Variants in CDH12 observed in about 807,000 individuals in gnomAD.
The protein encoded by CDH12 is cadherin 12.
CDH12 carries 41 observed loss-of-function variants against 74.1 expected under a neutral mutation model. The ratio of observed to expected loss-of-function variants is 0.55; its 90% CI spans 0.43 to 0.72. The LOEUF (loss-of-function observed/expected upper bound fraction) is 0.72, where lower values mean the gene tolerates loss of function less well. CDH12 is among the 30% of genes least tolerant of loss of function. CDH12 has a pLI of 0.00. For missense variants in CDH12, 945 were observed against 977.2 expected, an observed-to-expected ratio of 0.97 and a Z score of 0.44; for synonymous variants, 399 against 355.0, an observed-to-expected ratio of 1.12 and a Z score of -1.39.
rs900874178 is a variant in CDH12 at position 22,391,329 on chromosome 5, A to G, written c.-333+13928T>C. On this transcript the variant is annotated intron_variant, in intron 3 of 14. Transcript: ENST00000382254. The stretch of plus-strand genomic sequence containing the variant: ...GATAAAATATAAAAGAAATTAAATA[A>G]CTCCAAGGAAGTTATTGTCATCTGT... 2.6e-5 allele frequency among the ~76,000 whole-genome samples: 4 copies of G among 152,072 alleles called. No individual in the cohort carries two copies. The South Asian group carries it at 8.3e-4, about 32-fold the overall frequency.
intron 5 of CDH12, among the ~76,000 whole-genome samples, chr5:22,025,775 C>A (rs1380720073): frequency 6.6e-6 from 1 of 152,128 alleles, no homozygotes; most frequent in African/African-American, 2.4e-5. Flanking sequence ...ATTCTAAATT[C>A]TTTATTGTCA....
chr5:22,783,024 TG>T (rs1747459234), intron 1 of CDH12, among the ~76,000 whole-genome samples: 1 of 149,752 alleles, frequency 6.7e-6, no homozygotes, highest in African/African-American at 2.5e-5. Flanking sequence ...TAGATCTAGG[TG>T]CCATTTTATT....
At chr5:21,883,603 A>G in intron 6 of CDH12, 1 of 1,605,332 alleles carries the variant, frequency 6.2e-7, no homozygotes, top group Non-Finnish European at 8.5e-7. Context: ...GAAGATGTTC[A>G]GCCTCATGAC....
intron 5 of CDH12, among the ~76,000 whole-genome samples, chr5:22,035,014 G>C (rs1415162114): frequency 6.6e-6 from 1 of 152,046 alleles, no homozygotes; most frequent in East Asian, 1.9e-4. Context: ...AAATAACATT[G>C]AAAAAATGAC....
At chr5:22,607,154 C>T (rs979267710) in intron 1 of CDH12, among the ~76,000 whole-genome samples, 2 of 152,070 alleles carry the variant, frequency 1.3e-5, no homozygotes, top group African/African-American at 4.8e-5. Flanking sequence ...TGCTGTCTGA[C>T]CGTGAGGTAG....
At chr5:22,080,733 GATAA>G (rs1189043187) in intron 4 of CDH12, among the ~76,000 whole-genome samples, 1 of 151,912 alleles carries the variant, frequency 6.6e-6, no homozygotes, top group East Asian at 1.9e-4. Context: ...GATATGTTAG[GATAA>G]ATAAATACAC....
At chr5:22,481,710 G>A (rs529686758) in intron 2 of CDH12, among the ~76,000 whole-genome samples, 6 of 152,218 alleles carry the variant, frequency 3.9e-5, no homozygotes, top group Non-Finnish European at 8.8e-5. Context: ...AAGACATAAG[G>A]AGTCACTTTT....
intron 3 of CDH12, among the ~76,000 whole-genome samples, chr5:22,303,363 T>C (rs930717438): frequency 6.6e-6 from 1 of 152,252 alleles, no homozygotes; most frequent in Non-Finnish European, 1.5e-5. Context: ...ATTAATATTA[T>C]TTTGATTACA....
chr5:22,406,259 T>C (rs1163765232), intron 2 of CDH12, among the ~76,000 whole-genome samples: 2 of 152,112 alleles, frequency 1.3e-5, no homozygotes, highest in Non-Finnish European at 2.9e-5. Flanking sequence ...TGAAAACAAC[T>C]TTTAGGGAAG....
intron 1 of CDH12, among the ~76,000 whole-genome samples, chr5:22,842,904 C>T (rs935943861): frequency 2.6e-5 from 4 of 151,924 alleles, no homozygotes; most frequent in South Asian, 2.1e-4. Context: ...TGAGATAATG[C>T]CTTTATACAT....
chr5:21,956,976 C>A (rs76421374), intron 6 of CDH12, among the ~76,000 whole-genome samples: 1 of 151,364 alleles, frequency 6.6e-6, no homozygotes, highest in Non-Finnish European at 1.5e-5. Context: ...TAGGTAAACT[C>A]GTGTCACCAG....
intron 1 of CDH12, among the ~76,000 whole-genome samples, chr5:22,568,279 T>C (rs911460267): frequency 2.0e-5 from 3 of 152,162 alleles, no homozygotes; most frequent in Admixed American, 2.0e-4. Context: ...CAATCTGTCA[T>C]TTGCATGTCT....
chr5:22,695,150 C>G (rs773304498), intron 1 of CDH12, among the ~76,000 whole-genome samples: 1 of 152,202 alleles, frequency 6.6e-6, no homozygotes, highest in African/African-American at 2.4e-5. Context: ...TCATCCATGT[C>G]CCTGCAAAGG....
At chr5:22,098,980 C>A (rs549303733) in intron 4 of CDH12, among the ~76,000 whole-genome samples, 1 of 152,126 alleles carries the variant, frequency 6.6e-6, no homozygotes, top group African/African-American at 2.4e-5. Flanking sequence ...ATCTGCTATT[C>A]TACTACTCCT....
chr5:22,121,470 ATACGTCATGAATGAGAAAGTCT>A (rs1745507185), intron 4 of CDH12, among the ~76,000 whole-genome samples: 2 of 152,188 alleles, frequency 1.3e-5, no homozygotes, highest in Non-Finnish European at 2.9e-5. Flanking sequence ...ATGCTGCCTA[ATACGTCATGAATGAGAAAGTCT>A]TACGTCTGAT....
intron 5 of CDH12, among the ~76,000 whole-genome samples, chr5:22,027,091 G>A (rs1738413440): frequency 6.6e-6 from 1 of 152,024 alleles, no homozygotes; most frequent in South Asian, 2.1e-4. Flanking sequence ...TTTGTCTTTG[G>A]TTCTGTTTAT....
chr5:22,823,318 G>A (rs931182743), intron 1 of CDH12, among the ~76,000 whole-genome samples: 8 of 151,914 alleles, frequency 5.3e-5, no homozygotes, highest in African/African-American at 1.9e-4. Context: ...CACCAGCATG[G>A]CACATGTATA....
intron 4 of CDH12, among the ~76,000 whole-genome samples, chr5:22,145,829 T>C (rs1053326732): frequency 2.6e-5 from 4 of 151,864 alleles, no homozygotes; most frequent in African/African-American, 9.7e-5. Flanking sequence ...CACAGATGAG[T>C]AGAGAAAGAG....
intron 1 of CDH12, among the ~76,000 whole-genome samples, chr5:22,701,104 G>A (rs1020506151): frequency 6.6e-6 from 1 of 151,848 alleles, no homozygotes; most frequent in Non-Finnish European, 1.5e-5. Context: ...GATTCTATCC[G>A]TATGCCCCAA....
Sources: allele counts gnomAD v4.1 joint callset (sites outside exome capture counted in the v4.1 genomes callset), GRCh38; gene constraint gnomAD v4.1.1; transcripts MANE v1.5; gene names NCBI Gene and HGNC (gene_info 2026-07-23, HGNC 2026-07-21).